Variants in SLC39A9 observed in about 807,000 individuals in gnomAD.
SLC39A9 encodes solute carrier family 39 member 9, also known as zinc transporter ZIP9.
SLC39A9 carries 14 observed loss-of-function variants against 28.4 expected under a neutral mutation model. The ratio of observed to expected loss-of-function variants is 0.49; its 90% confidence interval spans 0.33 to 0.77. The LOEUF (loss-of-function observed/expected upper bound fraction) is 0.77. Ranked by LOEUF, SLC39A9 falls within the 30% of genes least tolerant of loss-of-function variation. The probability of loss-of-function intolerance (pLI) is 0.02; values close to 1 mark genes in which losing one functional copy is unlikely to be tolerated. For missense variants in SLC39A9, 283 were observed against 381.1 expected, an observed-to-expected ratio of 0.74 and a Z score of 2.14; for synonymous variants, 119 against 149.6, an observed-to-expected ratio of 0.80 and a Z score of 1.49.
chr14:69,412,799 A>G (rs1170155441), intron 1 of SLC39A9, among the ~76,000 whole-genome samples: 1 of 152,236 alleles, frequency 6.6e-6, no homozygotes, highest in Non-Finnish European at 1.5e-5. Context: ...CATAGTGTTG[A>G]GTGGATATTT....
chr14:69,424,973 G>A (rs968959601), intron 2 of SLC39A9, among the ~76,000 whole-genome samples: 1 of 152,126 alleles, frequency 6.6e-6, no homozygotes, highest in Non-Finnish European at 1.5e-5. Flanking sequence ...TCAGATCTTG[G>A]TAGAGGAAAA....
chr14:69,401,202 A>G (rs1371783115), intron 1 of SLC39A9, among the ~76,000 whole-genome samples: 1 of 152,132 alleles, frequency 6.6e-6, no homozygotes, highest in East Asian at 1.9e-4. Context: ...TTCCATTAGC[A>G]GAAGTTTATT....
intron 1 of SLC39A9, among the ~76,000 whole-genome samples, chr14:69,412,557 G>A (rs925982148): frequency 1.3e-5 from 2 of 152,100 alleles, no homozygotes; most frequent in Non-Finnish European, 1.5e-5. Flanking sequence ...TTCTAAAGAG[G>A]TTCCGCTACA....
At chr14:69,418,642 G>A (rs992451216) in intron 1 of SLC39A9, among the ~76,000 whole-genome samples, 8 of 152,116 alleles carry the variant, frequency 5.3e-5, no homozygotes, top group African/African-American at 1.4e-4. Context: ...GGTCCTGGAC[G>A]TTTTTTGGTT....
At chr14:69,426,642 A>G (rs986397589) in intron 2 of SLC39A9, among the ~76,000 whole-genome samples, 14 of 152,116 alleles carry the variant, frequency 9.2e-5, no homozygotes, top group African/African-American at 3.4e-4. Flanking sequence ...TTCCTCCCCC[A>G]AGGGTTTAGG....
At chr14:69,399,575 T>A in intron 1 of SLC39A9, 110 bp downstream of exon 1, 1 of 732,728 alleles carries the variant, frequency 1.4e-6, no homozygotes, top group South Asian at 1.7e-5. Flanking sequence ...AAGGTCTCAT[T>A]AAGAAAGACT....
intron 2 of SLC39A9, 116 bp downstream of exon 2, chr14:69,424,318 G>A: frequency 1.4e-6 from 1 of 723,042 alleles, no homozygotes; most frequent in Non-Finnish European, 2.4e-6. Flanking sequence ...GTTCTACCCT[G>A]AGAAGATTTG....
At chr14:69,448,011 G>A (rs1030868353) in intron 3 of SLC39A9, among the ~76,000 whole-genome samples, 5 of 151,234 alleles carry the variant, frequency 3.3e-5, no homozygotes, top group Admixed American at 6.6e-5. Flanking sequence ...CCAGGAGATC[G>A]AGACCATCCT....
At chr14:69,403,683 C>A (rs185657144) in intron 1 of SLC39A9, among the ~76,000 whole-genome samples, 2 of 152,312 alleles carry the variant, frequency 1.3e-5, no homozygotes, top group East Asian at 3.9e-4. Context: ...AAGGCTTTAT[C>A]TCAGTTGCCA....
chr14:69,436,596 G>A (rs1320262648), intron 2 of SLC39A9, among the ~76,000 whole-genome samples: 2 of 152,272 alleles, frequency 1.3e-5, no homozygotes, highest in Non-Finnish European at 1.5e-5. Flanking sequence ...CATTTTAGCT[G>A]AGTTTTCAAA....
In SLC39A9 at chr14:69,434,697, C is replaced by T. The variant is rs538699217; in HGVS notation, c.206-7372C>T. Among the ~76,000 whole-genome samples the T allele has an allele frequency of 4.6e-5, 7 of 152,162 alleles. No homozygotes were observed. In the South Asian group the frequency reaches 1.5e-3, roughly 32 times the overall value. On this transcript the variant is annotated intron_variant, in intron 2 of 6. Coordinates refer to ENST00000336643, the MANE Select transcript of SLC39A9 (RefSeq NM_018375.5). ...TGAAAAAAGAAAAAAGAATTTAATG[C>T]TATAAATTTCTTTCTAAGCACTGCT...
At chr14:69,430,450 C>A (rs1306098142) in intron 2 of SLC39A9, among the ~76,000 whole-genome samples, 18 of 152,044 alleles carry the variant, frequency 1.2e-4, no homozygotes, top group Admixed American at 1.2e-3. Flanking sequence ...ATTGAATTAT[C>A]TTTGCACTTT....
At chr14:69,430,698 A>G (rs1160511295) in intron 2 of SLC39A9, among the ~76,000 whole-genome samples, 1 of 147,120 alleles carries the variant, frequency 6.8e-6, no homozygotes, top group East Asian at 2.0e-4. Flanking sequence ...TGGCATGATC[A>G]TAGCTCACTG....
chr14:69,423,062 G>A (rs922859273), intron 1 of SLC39A9, among the ~76,000 whole-genome samples: 5 of 152,090 alleles, frequency 3.3e-5, no homozygotes, highest in Non-Finnish European at 5.9e-5. Context: ...AGTAATACAT[G>A]TTTATTGTAG....
chr14:69,431,960 G>A (rs1447815606), intron 2 of SLC39A9, among the ~76,000 whole-genome samples: 7 of 152,104 alleles, frequency 4.6e-5, no homozygotes, highest in African/African-American at 1.7e-4. Flanking sequence ...CCAGTCCACC[G>A]TTGATGGGCA....
intron 2 of SLC39A9, among the ~76,000 whole-genome samples, chr14:69,424,454 T>C (rs1884079966): frequency 6.6e-6 from 1 of 152,216 alleles, no homozygotes; most frequent in Non-Finnish European, 1.5e-5. Flanking sequence ...TTTTAAGTTA[T>C]GACAGTTCTT....
Position 69,460,510 on chromosome 14 carries a change from C to T in SLC39A9, c.*1917C>T. 1.0e-6 allele frequency: 1 copy of T among 985,456 alleles called. No individual in the cohort carries two copies. Among genetic ancestry groups the T allele is most frequent in the Non-Finnish European group, 1.2e-6 (1 of 829,936 alleles). The allele number at this position is 985,456 out of a possible 1,614,324, so 61.0% of individuals were successfully genotyped here. ...AACTATATGGTTGCCTAGATTCTCT[C>T]TGGAAACTGACTTTGTCAAATAAAT... On this transcript the variant is annotated 3_prime_UTR_variant, in exon 7 of 7. Coordinates refer to ENST00000336643, the MANE Select transcript of SLC39A9 (RefSeq NM_018375.5).
Position 69,417,646 on chromosome 14 carries a change from C to T in SLC39A9, c.97-6448C>T, listed in dbSNP as rs555132212. ...CATTTGTTTGTGTTCTCTTTTATTT[C>T]GTTGAGCAGTGGTTTGTAGTTCTCC... On this transcript the variant is annotated intron_variant, in intron 1 of 6. Transcript: ENST00000336643. Among the ~76,000 whole-genome samples the T allele has an allele frequency of 9.9e-5, 15 of 152,238 alleles. No homozygotes were observed. The South Asian group carries it at 1.9e-3, about 19-fold the overall frequency.
chr14:69,432,955 A>G (rs1252925779), intron 2 of SLC39A9, among the ~76,000 whole-genome samples: 1 of 152,140 alleles, frequency 6.6e-6, no homozygotes, highest in Admixed American at 6.6e-5. Flanking sequence ...GTAGTTTGAA[A>G]TCAGGTAATG....
Sources: gnomAD v4.1 joint callset for allele counts (sites outside exome capture counted in the v4.1 genomes callset) on GRCh38, gnomAD v4.1.1 for gene constraint, MANE v1.5 for transcripts, NCBI Gene and HGNC (gene_info 2026-07-23, HGNC 2026-07-21) for gene names.